Variants in PIEZO2 observed in about 807,000 individuals in gnomAD.
PIEZO2 encodes the protein piezo-type mechanosensitive ion channel component 2.
Under a neutral mutation model 337.3 loss-of-function variants are expected in PIEZO2, and 172 were observed. The ratio of observed to expected loss-of-function variants is 0.51; its 90% CI spans 0.45 to 0.58. PIEZO2 has a LOEUF of 0.58. PIEZO2 is among the 20% of genes least tolerant of loss of function. The pLI is 0.00. For synonymous variants in PIEZO2, 1,251 were observed against 1,228.5 expected (o/e 1.02, Z -0.38); for missense variants, 3,028 against 3,391.3 (o/e 0.89, Z 2.66).
chr18:10,951,307 G>C (rs1378466167), intron 3 of PIEZO2, among the ~76,000 whole-genome samples: 1 of 152,078 alleles, frequency 6.6e-6, no homozygotes, highest in Non-Finnish European at 1.5e-5. Flanking sequence ...AGACCATCTG[G>C]TCTGTGACTC....
chr18:10,680,347 A>G lies in PIEZO2; in HGVS notation c.7804T>C (p.Tyr2602His). ...DTGAMQFLEN[Y>H]EKEDITVAEL... Reference sequence around the variant, plus strand: ...GCTACTGTTATGTCTTCTTTTTCATAATTTTCCAGAAATTGCATAGCACCC... The same window carrying G: ...GCTACTGTTATGTCTTCTTTTTCATGATTTTCCAGAAATTGCATAGCACCC... Residue 2602 changes from tyrosine (Y) to histidine (H), a missense_variant, in exon 52 of 56, where the codon TAT (tyrosine) becomes CAT (histidine). Around this residue, in one of 5 missense-constraint regions of PIEZO2, gnomAD observed 332 missense variants for 363.8 expected, o/e 0.91. Transcript: ENST00000674853. 6.2e-7 allele frequency: 1 copy of G among 1,613,878 alleles called. No homozygotes were observed. The highest frequency in any genetic ancestry group is 8.5e-7 in the Non-Finnish European group (1 of 1,179,880).
chr18:10,831,135 A>C (rs1479507420), intron 7 of PIEZO2, among the ~76,000 whole-genome samples: 1 of 152,196 alleles, frequency 6.6e-6, no homozygotes, highest in Non-Finnish European at 1.5e-5. Flanking sequence ...AAAAAAACTA[A>C]AAATAGAGCT....
intron 3 of PIEZO2, among the ~76,000 whole-genome samples, chr18:10,933,826 G>T (rs143440557): frequency 6.6e-6 from 1 of 152,178 alleles, no homozygotes; most frequent in Non-Finnish European, 1.5e-5. Context: ...TGTTCTCATG[G>T]TAGTGAATAA....
At chr18:10,924,947 T>C (rs1377456641) in intron 3 of PIEZO2, among the ~76,000 whole-genome samples, 2 of 152,194 alleles carry the variant, frequency 1.3e-5, no homozygotes, top group Non-Finnish European at 2.9e-5. Flanking sequence ...AAAAATTTTA[T>C]GAAAAATAAA....
chr18:10,692,347 G>T (rs891754891), intron 47 of PIEZO2, among the ~76,000 whole-genome samples: 1 of 152,150 alleles, frequency 6.6e-6, no homozygotes, highest in Non-Finnish European at 1.5e-5. Flanking sequence ...TAAGAGTTTG[G>T]TATAATCTTC....
chr18:10,962,184 C>T lies in PIEZO2; in HGVS notation c.286+17351G>A, dbSNP rs1175977007. On this transcript the variant is annotated intron_variant, in intron 3 of 55. Transcript: ENST00000674853. The surrounding 1 kb of genome is among the most constrained non-coding windows in gnomAD (Gnocchi z 4.1). ...TGAATTAGAATTATTTCCAGATGCT[C>T]TGTTCAATGAAAGAGTCTTAAAAAT... Among the ~76,000 whole-genome samples, 1 of 152,208 alleles carries T rather than the reference C, an allele frequency of 6.6e-6. No homozygotes were observed. Among genetic ancestry groups the T allele is most frequent in the African/African-American group, 2.4e-5 (1 of 41,448 alleles).
intron 1 of PIEZO2, among the ~76,000 whole-genome samples, chr18:11,108,637 AAAG>A (rs2039645060): frequency 6.6e-6 from 1 of 151,452 alleles, no homozygotes; most frequent in South Asian, 2.1e-4. Flanking sequence ...AAAAAAAAAA[AAAG>A]AGTAACAGCT....
intron 2 of PIEZO2, among the ~76,000 whole-genome samples, chr18:11,014,026 G>A (rs1288609908): frequency 1.3e-5 from 2 of 152,228 alleles, no homozygotes; most frequent in Non-Finnish European, 2.9e-5. Flanking sequence ...TAAAGGGATG[G>A]TTTGCTGGGT....
At chr18:11,134,124 G>C (rs2040414971) in intron 1 of PIEZO2, among the ~76,000 whole-genome samples, 1 of 152,126 alleles carries the variant, frequency 6.6e-6, no homozygotes, top group Non-Finnish European at 1.5e-5. Flanking sequence ...CATAGAGAAG[G>C]GACATTACAG....
intron 3 of PIEZO2, among the ~76,000 whole-genome samples, chr18:10,944,488 CATATATATATATATAT>C (rs768935656): frequency 7.5e-6 from 1 of 132,892 alleles, no homozygotes; most frequent in African/African-American, 2.8e-5. Context: ...ATCTTAGTAA[CATATATATATATATAT>C]ATCTTAGTAA....
chr18:11,108,378 G>A lies in PIEZO2; in HGVS notation c.64+40147C>T, dbSNP rs1481331383. On this transcript the variant is annotated intron_variant, in intron 1 of 55. Transcript: ENST00000674853. Reference sequence around the variant, plus strand: ...CACCTGTAATCCCAGCACTTTGGGAGGCCGAGGCGGGCAGATCACGAGGTC... The same window carrying A: ...CACCTGTAATCCCAGCACTTTGGGAAGCCGAGGCGGGCAGATCACGAGGTC... Among the ~76,000 whole-genome samples the A allele has an allele frequency of 1.3e-4, 20 of 152,088 alleles. 1 individual carries two copies. Among genetic ancestry groups the A allele is most frequent in the Admixed American group, 1.3e-3 (20 of 15,262 alleles).
chr18:10,891,510 T>C (rs189721088), intron 4 of PIEZO2, among the ~76,000 whole-genome samples: 26 of 152,304 alleles, frequency 1.7e-4, no homozygotes, highest in Non-Finnish European at 3.4e-4. Flanking sequence ...ACATGTTACA[T>C]ACATGATGTA....
chr18:10,778,055 T>C (rs543263290), intron 18 of PIEZO2, among the ~76,000 whole-genome samples: 13 of 152,324 alleles, frequency 8.5e-5, no homozygotes, highest in African/African-American at 3.1e-4. Context: ...TGTAAAGTCA[T>C]GTCTAAATTT....
rs1456609538 is a variant in PIEZO2 at position 11,080,039 on chromosome 18, C to T, written c.65-13817G>A. Among the ~76,000 whole-genome samples, 1 of 152,194 alleles carries T rather than the reference C, an allele frequency of 6.6e-6. No individual in the cohort carries two copies. Among genetic ancestry groups the T allele is most frequent in the East Asian group, 1.9e-4 (1 of 5,194 alleles). ...AAGTTAAGGCTCAGAAGGATGCACACACTGTCCAGTGTCAAGGAAAAACTG... is the reference window on the plus strand; with the variant it reads ...AAGTTAAGGCTCAGAAGGATGCACATACTGTCCAGTGTCAAGGAAAAACTG... On this transcript the variant is annotated intron_variant, in intron 1 of 55. Transcript: ENST00000674853. The surrounding 1 kb of genome is among the most constrained non-coding windows in gnomAD (Gnocchi z 5.4).
chr18:10,803,276 A>G (rs1441360896), intron 9 of PIEZO2, among the ~76,000 whole-genome samples: 2 of 152,250 alleles, frequency 1.3e-5, no homozygotes, highest in African/African-American at 4.8e-5. Context: ...TGCCATGAGT[A>G]AAAAGCACAT....
chr18:11,074,564 A>G (rs1166889737), intron 1 of PIEZO2, among the ~76,000 whole-genome samples: 1 of 152,218 alleles, frequency 6.6e-6, no homozygotes, highest in Non-Finnish European at 1.5e-5. Flanking sequence ...AAACATTAAT[A>G]CTGCCATGTG....
chr18:11,127,843 T>C lies in PIEZO2; in HGVS notation c.64+20682A>G, dbSNP rs2040230675. Reference sequence around the variant, plus strand: ...TGTGTGTGTATCCTATTAGTTCTCTTCCTCTAAGAGAACCCTAATACAGAT... The same window carrying C: ...TGTGTGTGTATCCTATTAGTTCTCTCCCTCTAAGAGAACCCTAATACAGAT... On this transcript the variant is annotated intron_variant, in intron 1 of 55. Coordinates refer to ENST00000674853, the MANE Select transcript of PIEZO2 (RefSeq NM_001378183.1). This position sits in a 1 kb window ranked among gnomAD's most constrained non-coding sequence, Gnocchi z 4.5. Among the ~76,000 whole-genome samples the C allele has an allele frequency of 6.7e-6, 1 of 149,224 alleles. No homozygotes were observed.
Position 11,110,190 on chromosome 18 carries a change from T to C in PIEZO2, c.64+38335A>G, listed in dbSNP as rs1473337293. 6.6e-6 allele frequency among the ~76,000 whole-genome samples: 1 copy of C among 152,152 alleles called. No homozygotes were observed. Among genetic ancestry groups the C allele is most frequent in the Non-Finnish European group, 1.5e-5 (1 of 68,028 alleles). Reference sequence around the variant, plus strand: ...CCCAGGCTGGAGTAAAGTGGTGTGATCATAGCTCACTGCATCCTGGAATTC... The same window carrying C: ...CCCAGGCTGGAGTAAAGTGGTGTGACCATAGCTCACTGCATCCTGGAATTC... On this transcript the variant is annotated intron_variant, in intron 1 of 55. Transcript: ENST00000674853. This position sits in a 1 kb window ranked among gnomAD's most constrained non-coding sequence, Gnocchi z 4.2.
In PIEZO2 at chr18:10,724,896, G is replaced by A; in HGVS notation, c.5029+6511C>T. 6.2e-7 allele frequency: 1 copy of A among 1,609,508 alleles called. No individual in the cohort carries two copies. Among genetic ancestry groups the A allele is most frequent in the Non-Finnish European group, 8.5e-7 (1 of 1,178,322 alleles). On this transcript the variant is annotated intron_variant, in intron 36 of 55. Coordinates refer to ENST00000674853, the MANE Select transcript of PIEZO2 (RefSeq NM_001378183.1). The surrounding 1 kb of genome is among the most constrained non-coding windows in gnomAD (Gnocchi z 5.8). The stretch of plus-strand genomic sequence containing the variant: ...CTGTAAATAGTACTGGCCGGCGGGG[G>A]CGTGGCACCCTGGGACAGCCTCCAC...
Sources: gnomAD v4.1 joint callset for allele counts (sites outside exome capture counted in the v4.1 genomes callset) on GRCh38, gnomAD v4.1.1 for gene constraint, gnomAD v4.1.1 regional missense constraint, Gnocchi (gnomAD v3.1) non-coding constraint, MANE v1.5 for transcripts, NCBI Gene and HGNC (gene_info 2026-07-23, HGNC 2026-07-21) for gene names.